The following NOSTRIN variants were observed in gnomAD, a reference collection of about 807,000 sequenced individuals.
The protein encoded by NOSTRIN is BM247 homolog.
In NOSTRIN, 63 loss-of-function variants were observed where a neutral mutation model predicts 59.0. The observed-to-expected ratio is 1.07, with a 90% CI of 0.87 to 1.32. NOSTRIN has a LOEUF of 1.32. Among genes scored for constraint, NOSTRIN ranks in the 40% most tolerant of loss-of-function variants. The pLI is 0.00. For synonymous variants in NOSTRIN, 200 were observed against 165.4 expected (o/e 1.21, Z -1.61); for missense variants, 512 against 473.1 (o/e 1.08, Z -0.76).
intron 1 of NOSTRIN, among the ~76,000 whole-genome samples, chr2:168,810,514 A>C (rs1215065854): frequency 6.6e-6 from 1 of 152,160 alleles, no homozygotes; most frequent in Non-Finnish European, 1.5e-5. Context: ...GTGTTTGTGA[A>C]TGTGCCTGCT....
intron 7 of NOSTRIN, among the ~76,000 whole-genome samples, chr2:168,836,226 T>A (rs1473803788): frequency 6.6e-6 from 1 of 152,254 alleles, no homozygotes; most frequent in Admixed American, 6.5e-5. Flanking sequence ...AAATACTCAG[T>A]GCCAGGACCT....
intron 7 of NOSTRIN, among the ~76,000 whole-genome samples, chr2:168,839,322 T>C (rs1687924934): frequency 1.3e-5 from 2 of 152,182 alleles, no homozygotes; most frequent in South Asian, 4.1e-4. Context: ...AGCTTAAATG[T>C]CATTTTAATT....
chr2:168,828,632 T>C, intron 5 of NOSTRIN, 131 bp downstream of exon 5: 1 of 400,026 alleles, frequency 2.5e-6, no homozygotes. Flanking sequence ...TAAATACTTT[T>C]ATTTATTTTA....
chr2:168,834,643 C>A (rs965488179), intron 7 of NOSTRIN, among the ~76,000 whole-genome samples: 7 of 152,020 alleles, frequency 4.6e-5, no homozygotes, highest in African/African-American at 1.7e-4. Flanking sequence ...GATCCTCCCA[C>A]CTCAGCCTCT....
intron 7 of NOSTRIN, 82 bp from the exon 8 acceptor site, chr2:168,842,910 C>G (rs1688184697): frequency 1.2e-6 from 1 of 801,798 alleles, no homozygotes; most frequent in East Asian, 2.4e-5. Flanking sequence ...TATCATTGAG[C>G]CACATATAAT....
chr2:168,845,790 C>CTTCTTT (rs36186706), intron 8 of NOSTRIN, among the ~76,000 whole-genome samples: 5,459 of 140,580 alleles, frequency 0.039, 457 homozygotes, highest in African/African-American at 0.13. Flanking sequence ...TTTTTTCTTC[C>CTTCTTT]TTTTTTTTTT....
At chr2:168,840,186 C>T (rs1479643223) in intron 7 of NOSTRIN, among the ~76,000 whole-genome samples, 1 of 151,936 alleles carries the variant, frequency 6.6e-6, no homozygotes, top group Non-Finnish European at 1.5e-5. Context: ...GGTTAATGTT[C>T]ACAAGCTTGA....
chr2:168,819,479 G>C (rs529736256), intron 2 of NOSTRIN, among the ~76,000 whole-genome samples: 1 of 152,308 alleles, frequency 6.6e-6, no homozygotes, highest in East Asian at 1.9e-4. Flanking sequence ...TTCTTATAAA[G>C]GAGCGATTCT....
chr2:168,793,517 G>A (rs371546572), upstream of NOSTRIN, among the ~76,000 whole-genome samples: 4 of 152,106 alleles, frequency 2.6e-5, no homozygotes, highest in East Asian at 3.9e-4. Flanking sequence ...AGGCTGAGGC[G>A]GGAAGATTGC....
chr2:168,841,476 T>C (rs1688105555), intron 7 of NOSTRIN, among the ~76,000 whole-genome samples: 1 of 152,078 alleles, frequency 6.6e-6, no homozygotes, highest in South Asian at 2.1e-4. Flanking sequence ...ATTTTGGTGA[T>C]GGGCAAGAGG....
chr2:168,850,221 G>A (rs1381750579), intron 8 of NOSTRIN, among the ~76,000 whole-genome samples: 3 of 152,068 alleles, frequency 2.0e-5, no homozygotes. Context: ...CCTCTAAAAT[G>A]TTAATAGCTA....
chr2:168,789,974 C>T (rs763198825), intron 2 of NOSTRIN, among the ~76,000 whole-genome samples: 2 of 152,130 alleles, frequency 1.3e-5, no homozygotes, highest in Non-Finnish European at 2.9e-5. Context: ...TTCTTAATGC[C>T]GCTGGTTTTT....
upstream of NOSTRIN, among the ~76,000 whole-genome samples, chr2:168,800,078 G>T (rs1685575053): frequency 6.6e-6 from 1 of 152,150 alleles, no homozygotes; most frequent in African/African-American, 2.4e-5. Flanking sequence ...TGGCTCCTCT[G>T]CCATACCCTG....
chr2:168,849,670 C>CAAAAA (rs10650489), intron 8 of NOSTRIN, among the ~76,000 whole-genome samples: 15 of 118,686 alleles, frequency 1.3e-4, no homozygotes, highest in African/African-American at 1.6e-4. Flanking sequence ...CTTGTTTTTA[C>CAAAAA]AAAAAAAAAA....
At position 168,849,832 on chromosome 2, in the gene NOSTRIN, ATGCTTAGT is replaced by A. The variant is rs1688647097; in HGVS notation, c.631-1247_631-1240del. On this transcript the variant is annotated intron_variant, in intron 8 of 15. Coordinates refer to ENST00000317647, the MANE Select transcript of NOSTRIN (RefSeq NM_001039724.4). Reference sequence around the variant, plus strand: ...CTGCCTGAGCCAGCCTTCTCTAAGAATGCTTAGTTGCTAAAGCTTTCTGCCCCCTGTAA... The same window carrying A: ...CTGCCTGAGCCAGCCTTCTCTAAGAATGCTAAAGCTTTCTGCCCCCTGTAA... Among the ~76,000 whole-genome samples the A allele has an allele frequency of 4.6e-5, 7 of 152,004 alleles. No individual in the cohort carries two copies. The South Asian group carries it at 1.5e-3, about 32-fold the overall frequency.
chr2:168,826,873 T>C (rs974997525), intron 3 of NOSTRIN, among the ~76,000 whole-genome samples: 2 of 152,178 alleles, frequency 1.3e-5, no homozygotes, highest in Admixed American at 6.5e-5. Flanking sequence ...ATCATGCCTG[T>C]TTGCACTCCT....
chr2:168,833,477 A>T (rs1339372374), intron 6 of NOSTRIN, among the ~76,000 whole-genome samples: 1 of 152,244 alleles, frequency 6.6e-6, no homozygotes, highest in Non-Finnish European at 1.5e-5. Flanking sequence ...AAAAAGCCAA[A>T]GTCTTTCAAT....
chr2:168,856,571 T>C, intron 11 of NOSTRIN, 119 bp from the exon 12 acceptor site: 1 of 784,526 alleles, frequency 1.3e-6, no homozygotes, highest in Non-Finnish European at 2.0e-6. Context: ...CAAGACTCCG[T>C]CTTAAAAAAA....
At chr2:168,856,376 A>G (rs1316600380) in intron 11 of NOSTRIN, 1 of 312,654 alleles carries the variant, frequency 3.2e-6, no homozygotes, top group East Asian at 8.1e-5. Flanking sequence ...GGCGCTGGAG[A>G]CCAGTTTGGC....
Sources: gnomAD v4.1 joint callset for allele counts (sites outside exome capture counted in the v4.1 genomes callset) on GRCh38, gnomAD v4.1.1 for gene constraint, MANE v1.5 for transcripts, NCBI Gene and HGNC (gene_info 2026-07-23, HGNC 2026-07-21) for gene names.